LARP1B: variants seen among roughly 807,000 people sequenced by gnomAD.
The protein encoded by LARP1B is la-related protein 1B.
LARP1B carries 76 observed loss-of-function variants against 114.2 expected under a neutral mutation model. That is an observed-to-expected ratio of 0.67 (90% confidence interval 0.55 to 0.81). The LOEUF (loss-of-function observed/expected upper bound fraction) is 0.81, where lower values mean the gene tolerates loss of function less well. Among genes scored for constraint, LARP1B ranks in the 30% least tolerant of loss-of-function variants. The pLI, the probability that LARP1B is intolerant of heterozygous loss-of-function variation, is 0.00. For synonymous variants in LARP1B, 345 were observed against 348.0 expected (o/e 0.99, Z 0.10); for missense variants, 1,014 against 1,075.8 (o/e 0.94, Z 0.80).
At position 128,211,186 on chromosome 4, in the gene LARP1B, G is replaced by T. The variant is rs561227087; in HGVS notation, c.*1133G>T. The T allele has an allele frequency of 5.4e-6, 5 of 927,488 alleles. No individual in the cohort carries two copies. The South Asian group carries it at 2.5e-4, about 46-fold the overall frequency. 57.5% of individuals were successfully genotyped at this position (927,488 alleles called of 1,614,324 possible). On this transcript the variant is annotated 3_prime_UTR_variant, in exon 20 of 20. Transcript: ENST00000326639. The stretch of plus-strand genomic sequence containing the variant: ...TTATTTAGAATATAGTTGAAAAGCT[G>T]TAATATTCAGTTTTGCTAGTAAAAG...
chr4:128,219,823 A>G (rs989683557), intron 6 of LARP1B, among the ~76,000 whole-genome samples: 4 of 151,834 alleles, frequency 2.6e-5, no homozygotes, highest in African/African-American at 9.7e-5. Flanking sequence ...AAATAAATAA[A>G]TAAATAAATG....
chr4:128,086,669 TAAG>T (rs1773698306), intron 5 of LARP1B, among the ~76,000 whole-genome samples: 1 of 152,046 alleles, frequency 6.6e-6, no homozygotes, highest in African/African-American at 2.4e-5. Context: ...TAACTGGCAA[TAAG>T]AAGGAGCTAG....
chr4:128,106,084 C>T (rs1052324196), intron 8 of LARP1B, among the ~76,000 whole-genome samples: 3 of 151,036 alleles, frequency 2.0e-5, no homozygotes, highest in Non-Finnish European at 2.9e-5. Flanking sequence ...AGTCCAGTGG[C>T]GCCATCTCGG....
chr4:128,197,921 A>T, intron 15 of LARP1B, among the ~76,000 whole-genome samples: 1 of 117,340 alleles, frequency 8.5e-6, no homozygotes, highest in East Asian at 2.6e-4. Context: ...AGTTTTGCTC[A>T]TCACCTAGGC....
At chr4:128,129,274 G>T (rs1331055151) in intron 11 of LARP1B, among the ~76,000 whole-genome samples, 1 of 142,588 alleles carries the variant, frequency 7.0e-6, no homozygotes, top group African/African-American at 2.6e-5. Context: ...AGAACAGATT[G>T]AACCCGGAAG....
chr4:128,110,808 T>A (rs1298872615), intron 9 of LARP1B, among the ~76,000 whole-genome samples: 9 of 151,998 alleles, frequency 5.9e-5, no homozygotes, highest in Non-Finnish European at 1.3e-4. Flanking sequence ...TTTAGTGTTT[T>A]AATGTCATTT....
At chr4:128,209,590 G>A (rs1758554892) in intron 19 of LARP1B, among the ~76,000 whole-genome samples, 1 of 152,134 alleles carries the variant, frequency 6.6e-6, no homozygotes, top group South Asian at 2.1e-4. Context: ...ACCTTAAGTT[G>A]CTGTTAAGTT....
chr4:128,111,208 G>A (rs1008810661), intron 9 of LARP1B, among the ~76,000 whole-genome samples: 1 of 151,884 alleles, frequency 6.6e-6, no homozygotes, highest in Non-Finnish European at 1.5e-5. Context: ...TGCCACGCCC[G>A]GCTATTTTTT....
chr4:128,095,378 A>C (rs1777516620), intron 7 of LARP1B, among the ~76,000 whole-genome samples: 1 of 150,830 alleles, frequency 6.6e-6, no homozygotes. Flanking sequence ...AGTCCCAGCT[A>C]CTCAGGAGGG....
chr4:128,080,151 A>G (rs1561092171), intron 4 of LARP1B, among the ~76,000 whole-genome samples: 2 of 141,220 alleles, frequency 1.4e-5, no homozygotes, highest in Non-Finnish European at 1.6e-5. Context: ...CTAATTTTGT[A>G]TTTTTTTTTT....
intron 8 of LARP1B, among the ~76,000 whole-genome samples, chr4:128,098,657 T>C (rs1023194025): frequency 6.8e-6 from 1 of 146,216 alleles, no homozygotes; most frequent in Non-Finnish European, 1.5e-5. Context: ...GCGTGGCGGC[T>C]CGCACCTGGG....
chr4:128,171,039 T>C (rs528713271), intron 12 of LARP1B, among the ~76,000 whole-genome samples: 1 of 152,198 alleles, frequency 6.6e-6, no homozygotes, highest in East Asian at 1.9e-4. Context: ...ACACATACTT[T>C]TCAGTTTATT....
intron 5 of LARP1B, among the ~76,000 whole-genome samples, chr4:128,083,892 C>T (rs1215456910): frequency 6.6e-6 from 1 of 151,212 alleles, no homozygotes; most frequent in East Asian, 2.0e-4. Context: ...AGAGGGGCTC[C>T]TCACTTCTCA....
chr4:128,181,180 C>CTTTTTTTTTTT (rs70966086), intron 15 of LARP1B, among the ~76,000 whole-genome samples: 6 of 130,002 alleles, frequency 4.6e-5, no homozygotes, highest in Non-Finnish European at 6.7e-5. Context: ...CTCATCCATT[C>CTTTTTTTTTTT]TTTTTTTTTT....
At chr4:128,143,681 C>T (rs544799524) in intron 11 of LARP1B, among the ~76,000 whole-genome samples, 18 of 151,972 alleles carry the variant, frequency 1.2e-4, no homozygotes, top group African/African-American at 3.1e-4. Context: ...AATTAATAAG[C>T]AGAAATATGA....
At chr4:128,166,560 CAT>C (rs745535924) in intron 12 of LARP1B, among the ~76,000 whole-genome samples, 4 of 151,718 alleles carry the variant, frequency 2.6e-5, no homozygotes, top group Admixed American at 1.3e-4. Flanking sequence ...CATTATCTCA[CAT>C]AGTTACCTTT....
chr4:128,106,834 A>T (rs963041475), intron 8 of LARP1B, among the ~76,000 whole-genome samples: 7 of 152,212 alleles, frequency 4.6e-5, no homozygotes, highest in African/African-American at 1.7e-4. Flanking sequence ...ACAAGGAAAT[A>T]TGAGAGAGAA....
Position 128,074,464 on chromosome 4 carries a change from C to T in LARP1B, c.-73C>T, listed in dbSNP as rs367611644. The T allele has an allele frequency of 1.8e-5, 15 of 841,296 alleles. No homozygotes were observed. Among genetic ancestry groups the T allele is most frequent in the African/African-American group, 9.2e-5 (5 of 54,594 alleles). The allele number at this position is 841,296 out of a possible 1,614,324, so 52.1% of individuals were successfully genotyped here. Reference sequence around the variant, plus strand: ...AATTCTATATATTTTCTTTAGAATTCGGTTCCCTCAAAATTATAAAGGCAG... The same window carrying T: ...AATTCTATATATTTTCTTTAGAATTTGGTTCCCTCAAAATTATAAAGGCAG... On this transcript the variant is annotated 5_prime_UTR_variant, in exon 2 of 20. Transcript: ENST00000326639.
intron 4 of LARP1B, among the ~76,000 whole-genome samples, chr4:128,080,607 T>C (rs1174644605): frequency 6.6e-6 from 1 of 152,226 alleles, no homozygotes; most frequent in Non-Finnish European, 1.5e-5. Context: ...GAGTCTTTAT[T>C]TTGGTAGAAA....
Sources: allele counts gnomAD v4.1 joint callset (sites outside exome capture counted in the v4.1 genomes callset), GRCh38; gene constraint gnomAD v4.1.1; transcripts MANE v1.5; gene names NCBI Gene and HGNC (gene_info 2026-07-23, HGNC 2026-07-21).